Variants in VOPP1 observed in about 807,000 individuals in gnomAD.
The protein encoded by VOPP1 is WW domain binding protein VOPP1.
Under a neutral mutation model 23.5 loss-of-function variants are expected in VOPP1, and 8 were observed. The observed-to-expected ratio is 0.34, with a 90% CI of 0.20 to 0.61. The LOEUF (loss-of-function observed/expected upper bound fraction) is 0.61, where lower values mean the gene tolerates loss of function less well. Ranked by LOEUF, VOPP1 falls within the 20% of genes least tolerant of loss-of-function variation. VOPP1 has a pLI of 0.78. For synonymous variants in VOPP1, 83 were observed against 97.3 expected (o/e 0.85, Z 0.86); for missense variants, 174 against 238.1 (o/e 0.73, Z 1.77).
At chr7:55,550,492 A>G (rs1797558920) in intron 1 of VOPP1, among the ~76,000 whole-genome samples, 1 of 152,254 alleles carries the variant, frequency 6.6e-6, no homozygotes, top group South Asian at 2.1e-4. Flanking sequence ...TATATATCAG[A>G]TGTCTTTAAA....
chr7:55,506,822 A>G (rs1794760118), intron 2 of VOPP1, among the ~76,000 whole-genome samples: 1 of 152,170 alleles, frequency 6.6e-6, no homozygotes, highest in South Asian at 2.1e-4. Flanking sequence ...TATTTTTAGT[A>G]GAGACGGGGT....
intron 1 of VOPP1, among the ~76,000 whole-genome samples, chr7:55,533,357 C>T (rs1048380267): frequency 6.6e-6 from 1 of 152,062 alleles, no homozygotes; most frequent in African/African-American, 2.4e-5. Flanking sequence ...TCAGGAAGGG[C>T]ATCACTGTCC....
chr7:55,568,916 C>T (rs1028568850), intron 1 of VOPP1, among the ~76,000 whole-genome samples: 1 of 152,186 alleles, frequency 6.6e-6, no homozygotes, highest in African/African-American at 2.4e-5. Flanking sequence ...CAGGACCTCA[C>T]TTCAGCCAGC....
chr7:55,504,005 T>C (rs1249249931), intron 2 of VOPP1, among the ~76,000 whole-genome samples: 1 of 152,184 alleles, frequency 6.6e-6, no homozygotes, highest in Non-Finnish European at 1.5e-5. Flanking sequence ...CGGAGTAAAA[T>C]ATTCAGGGTG....
chr7:55,548,752 T>C lies in VOPP1; in HGVS notation c.54+23519A>G, dbSNP rs552147873. On this transcript the variant is annotated intron_variant, in intron 1 of 4. Coordinates refer to ENST00000285279, the MANE Select transcript of VOPP1 (RefSeq NM_030796.5). ...ACATTCCTCTTGGCCCAGGACTACA[T>C]TCAGAAATCTGGGAAATATAGTCCA... 4.6e-5 allele frequency among the ~76,000 whole-genome samples: 7 copies of C among 152,342 alleles called. No homozygotes were observed. The South Asian group carries it at 1.4e-3, about 32-fold the overall frequency.
chr7:55,536,201 C>T (rs985116005), intron 1 of VOPP1, among the ~76,000 whole-genome samples: 1 of 152,190 alleles, frequency 6.6e-6, no homozygotes, highest in Admixed American at 6.5e-5. Flanking sequence ...AGTATGGAGA[C>T]TGGCCCTGAC....
At chr7:55,497,784 T>A in intron 2 of VOPP1, 94 bp from the exon 3 acceptor site, 1 of 1,089,258 alleles carries the variant, frequency 9.2e-7, no homozygotes, top group African/African-American at 1.5e-5. Context: ...TAATCATTCT[T>A]GAAGGAAGAA....
intron 1 of VOPP1, among the ~76,000 whole-genome samples, chr7:55,566,143 T>A (rs1204727739): frequency 1.3e-5 from 2 of 152,058 alleles, no homozygotes; most frequent in African/African-American, 4.8e-5. Context: ...CAAAGGAGAA[T>A]GATATGAATA....
At chr7:55,516,125 C>G in intron 2 of VOPP1, 1 of 532,510 alleles carries the variant, frequency 1.9e-6, no homozygotes, top group African/African-American at 2.1e-5. Context: ...TTACTAAGAG[C>G]AGACACCTAG....
chr7:55,492,473 T>C (rs1248114789), intron 3 of VOPP1, 55 bp from the exon 4 acceptor site: 22 of 1,547,858 alleles, frequency 1.4e-5, no homozygotes, highest in Non-Finnish European at 1.9e-5. Flanking sequence ...CCTGAGGGCT[T>C]GGCCCTACAG....
Position 55,471,402 on chromosome 7 carries a change from C to T in VOPP1, c.*1453G>A, listed in dbSNP as rs1007805476. On this transcript the variant is annotated 3_prime_UTR_variant, in exon 5 of 5. Transcript: ENST00000285279. ...GAAAAGCATGGACACCAAATCACTCCGTATCCACTTCCATGAGATGTCTTG... is the reference window on the plus strand; with the variant it reads ...GAAAAGCATGGACACCAAATCACTCTGTATCCACTTCCATGAGATGTCTTG... 1 of 152,382 alleles carries T rather than the reference C, an allele frequency of 6.6e-6. No individual in the cohort carries two copies. The highest frequency in any genetic ancestry group is 2.4e-5 in the African/African-American group (1 of 41,416). The allele number at this position is 152,382 out of a possible 1,614,324, so 9.4% of individuals were successfully genotyped here.
chr7:55,556,494 C>G (rs1797808916), intron 1 of VOPP1, among the ~76,000 whole-genome samples: 1 of 151,850 alleles, frequency 6.6e-6, no homozygotes, highest in Non-Finnish European at 1.5e-5. Flanking sequence ...ATAACGTGAA[C>G]CAGCAACAGG....
At chr7:55,436,677 CGTGTGT>C (rs908953953) in intron 4 of VOPP1, among the ~76,000 whole-genome samples, 2 of 151,006 alleles carry the variant, frequency 1.3e-5, no homozygotes, top group African/African-American at 4.9e-5. Flanking sequence ...CGTGCGTGTG[CGTGTGT>C]GCATGTGCAT....
chr7:55,462,502 G>C (rs1487864878), intron 4 of VOPP1, among the ~76,000 whole-genome samples: 1 of 151,956 alleles, frequency 6.6e-6, no homozygotes, highest in East Asian at 1.9e-4. Flanking sequence ...AATTTCATTT[G>C]TGTTGTCTCA....
At chr7:55,444,083 G>A (rs1208515268) in intron 4 of VOPP1, among the ~76,000 whole-genome samples, 1 of 151,898 alleles carries the variant, frequency 6.6e-6, no homozygotes, top group African/African-American at 2.4e-5. Flanking sequence ...TTTATCTATT[G>A]CTGTGTGATA....
intron 4 of VOPP1, among the ~76,000 whole-genome samples, chr7:55,486,396 T>C (rs2129016009): frequency 6.6e-6 from 1 of 152,324 alleles, no homozygotes; most frequent in East Asian, 1.9e-4. Context: ...GTATCCACTT[T>C]ATGCAAACTG....
chr7:55,486,583 G>A (rs1457744618), intron 4 of VOPP1, among the ~76,000 whole-genome samples: 1 of 152,162 alleles, frequency 6.6e-6, no homozygotes, highest in Non-Finnish European at 1.5e-5. Flanking sequence ...GCCATATTGG[G>A]AGGCCATCTC....
At chr7:55,509,606 T>G (rs1286061874) in intron 2 of VOPP1, among the ~76,000 whole-genome samples, 1 of 152,084 alleles carries the variant, frequency 6.6e-6, no homozygotes, top group Non-Finnish European at 1.5e-5. Flanking sequence ...TGGTTAGCTG[T>G]TATAAGCAAA....
chr7:55,461,667 C>A (rs1791504190), intron 4 of VOPP1, among the ~76,000 whole-genome samples: 2 of 152,328 alleles, frequency 1.3e-5, no homozygotes, highest in South Asian at 4.1e-4. Context: ...CCACCCACCT[C>A]AGCCTCCCAA....
Sources: gnomAD v4.1 joint callset for allele counts (sites outside exome capture counted in the v4.1 genomes callset) on GRCh38, gnomAD v4.1.1 for gene constraint, MANE v1.5 for transcripts, NCBI Gene and HGNC (gene_info 2026-07-23, HGNC 2026-07-21) for gene names.